The following CKAP5 variants were observed in gnomAD, a reference collection of about 807,000 sequenced individuals.
CKAP5 encodes the protein cytoskeleton associated protein 5, also known as cytoskeleton-associated protein 5.
Under a neutral mutation model 232.8 loss-of-function variants are expected in CKAP5, and 27 were observed. The observed-to-expected ratio is 0.12, with a 90% CI of 0.09 to 0.16. The LOEUF is 0.16. Among genes scored for constraint, CKAP5 ranks in the 10% least tolerant of loss-of-function variants. The pLI, the probability that CKAP5 is intolerant of heterozygous loss-of-function variation, is 1.00. For synonymous variants in CKAP5, 785 were observed against 841.1 expected (o/e 0.93, Z 1.16); for missense variants, 1,838 against 2,424.7 (o/e 0.76, Z 5.08).
chr11:46,769,670 T>C (rs1402516714), intron 26 of CKAP5, among the ~76,000 whole-genome samples: 3 of 151,672 alleles, frequency 2.0e-5, no homozygotes, highest in Non-Finnish European at 4.4e-5. Context: ...CACTCCCTCC[T>C]GGGTGACAGA....
At chr11:46,809,711 T>C (rs1939233554) in intron 6 of CKAP5, 31 bp downstream of exon 6, 22 of 1,613,040 alleles carry the variant, frequency 1.4e-5, no homozygotes, top group Non-Finnish European at 1.8e-5. Flanking sequence ...TTGCTAATTT[T>C]TGCAGAAACC....
At chr11:46,752,086 CTGTT>C (rs2065068682) in intron 38 of CKAP5, among the ~76,000 whole-genome samples, 1 of 148,854 alleles carries the variant, frequency 6.7e-6, no homozygotes, top group Admixed American at 6.8e-5. Flanking sequence ...CTCCCTTTCA[CTGTT>C]TGAGGCCACG....
chr11:46,783,606 T>C (rs1440778591), intron 17 of CKAP5, among the ~76,000 whole-genome samples: 1 of 152,074 alleles, frequency 6.6e-6, no homozygotes, highest in African/African-American at 2.4e-5. Flanking sequence ...TGTTTTTTTT[T>C]TTTTTTTAGA....
intron 9 of CKAP5, among the ~76,000 whole-genome samples, chr11:46,800,890 T>C (rs542455086): frequency 6.6e-6 from 1 of 152,340 alleles, no homozygotes; most frequent in African/African-American, 2.4e-5. Flanking sequence ...TGTTATGATG[T>C]GTATAATGTT....
intron 36 of CKAP5, among the ~76,000 whole-genome samples, chr11:46,753,887 C>T (rs961060488): frequency 6.0e-5 from 9 of 150,658 alleles, no homozygotes; most frequent in South Asian, 4.2e-4. Flanking sequence ...CCACCGCGCC[C>T]GGCTATGTTA....
intron 1 of CKAP5, among the ~76,000 whole-genome samples, chr11:46,827,483 G>C (rs1350970121): frequency 6.6e-6 from 1 of 152,054 alleles, no homozygotes; most frequent in Non-Finnish European, 1.5e-5. Flanking sequence ...TAAAAAATTA[G>C]CTGGGCATGG....
chr11:46,763,282 T>C, intron 29 of CKAP5, 103 bp from the exon 30 acceptor site: 1 of 1,113,928 alleles, frequency 9.0e-7, no homozygotes, highest in East Asian at 2.4e-5. Flanking sequence ...AAAAAGAAAA[T>C]GACAGATTTT....
intron 1 of CKAP5, among the ~76,000 whole-genome samples, chr11:46,836,001 T>C (rs1337825301): frequency 1.3e-5 from 2 of 152,036 alleles, no homozygotes; most frequent in African/African-American, 2.4e-5. Flanking sequence ...ATGAGAAAAA[T>C]ATCAGACAAA....
chr11:46,819,770 A>C (rs1939485752), intron 2 of CKAP5, among the ~76,000 whole-genome samples: 1 of 152,184 alleles, frequency 6.6e-6, no homozygotes, highest in Non-Finnish European at 1.5e-5. Flanking sequence ...ACCCACTATA[A>C]GATGCATTCA....
intron 1 of CKAP5, among the ~76,000 whole-genome samples, chr11:46,831,880 T>TC (rs398015965): frequency 3.3e-4 from 49 of 150,538 alleles, no homozygotes; most frequent in South Asian, 6.3e-4. Context: ...TTTTTTTTTT[T>TC]CTGAGACAGG....
In CKAP5 at chr11:46,762,106, G is replaced by C; in HGVS notation, c.4115C>G (p.Ala1372Gly). The change falls in exon 32 of 44, where the codon GCT becomes GGT. Residue 1372 changes from alanine to glycine, a missense_variant. Ala to Gly is a moderately conservative substitution (Grantham distance 60, BLOSUM62 0). Coordinates refer to ENST00000529230, the MANE Select transcript of CKAP5 (RefSeq NM_001008938.4). ...ATTGTCACGGTCTCCTATGTGAACA[G>C]CTATTTCCTTTAAGGCTTTTCCTGG... Reference protein sequence around the residue: ...PTPGKALKEIAVHIGDRDNAV... With the variant: ...PTPGKALKEIGVHIGDRDNAV... 6.2e-7 allele frequency: 1 copy of C among 1,614,162 alleles called. No homozygotes were observed. The highest frequency in any genetic ancestry group is 8.5e-7 in the Non-Finnish European group (1 of 1,179,994).
At chr11:46,804,801 A>G (rs1006554170) in intron 8 of CKAP5, among the ~76,000 whole-genome samples, 6 of 151,906 alleles carry the variant, frequency 3.9e-5, no homozygotes, top group African/African-American at 1.4e-4. Flanking sequence ...TCTAAAGATT[A>G]TATAAGAAAG....
At chr11:46,783,668 T>A (rs1156406115) in intron 17 of CKAP5, among the ~76,000 whole-genome samples, 1 of 151,950 alleles carries the variant, frequency 6.6e-6, no homozygotes, top group African/African-American at 2.4e-5. Flanking sequence ...TCATCAATCA[T>A]TGCAGCCTCA....
intron 1 of CKAP5, among the ~76,000 whole-genome samples, chr11:46,844,746 A>T (rs1940139704): frequency 6.6e-6 from 1 of 151,948 alleles, no homozygotes; most frequent in South Asian, 2.1e-4. Flanking sequence ...GGTTCAAATG[A>T]TTCTCTTGCC....
chr11:46,794,476 C>T (rs1938819569), intron 13 of CKAP5, among the ~76,000 whole-genome samples: 1 of 147,616 alleles, frequency 6.8e-6, no homozygotes, highest in Non-Finnish European at 1.5e-5. Flanking sequence ...CAAAAATGGG[C>T]AAAGAACTTG....
chr11:46,774,621 G>A (rs980905446), intron 24 of CKAP5, among the ~76,000 whole-genome samples: 7 of 152,096 alleles, frequency 4.6e-5, no homozygotes, highest in Non-Finnish European at 7.4e-5. Context: ...AAACAGCATG[G>A]TACTGGTACC....
intron 13 of CKAP5, among the ~76,000 whole-genome samples, chr11:46,793,720 C>T (rs966027098): frequency 2.6e-5 from 4 of 152,102 alleles, no homozygotes; most frequent in Admixed American, 6.5e-5. Flanking sequence ...GTCAGGAGTT[C>T]GAGACCAGCT....
chr11:46,759,893 C>T lies in CKAP5; in HGVS notation c.4395-451G>A, dbSNP rs1235873802. Among the ~76,000 whole-genome samples, 3 of 152,184 alleles carry T rather than the reference C, an allele frequency of 2.0e-5. 1 individual carries two copies. The highest frequency in any genetic ancestry group is 1.9e-4 in the East Asian group (1 of 5,192). On this transcript the variant is annotated intron_variant, in intron 33 of 43. Coordinates refer to ENST00000529230, the MANE Select transcript of CKAP5 (RefSeq NM_001008938.4). Reference sequence around the variant, plus strand: ...GTACCATTCCATGCCGTGTTCAGCACATTTTATATTTTGTGAGACCACCAG... The same window carrying T: ...GTACCATTCCATGCCGTGTTCAGCATATTTTATATTTTGTGAGACCACCAG...
At chr11:46,832,049 T>TG (rs916309730) in intron 1 of CKAP5, among the ~76,000 whole-genome samples, 1 of 150,158 alleles carries the variant, frequency 6.7e-6, no homozygotes, top group Non-Finnish European at 1.5e-5. Context: ...TTTGTAGAGA[T>TG]GGGGTCTCAC....
Sources: gnomAD v4.1 joint callset for allele counts (sites outside exome capture counted in the v4.1 genomes callset) on GRCh38, gnomAD v4.1.1 for gene constraint, MANE v1.5 for transcripts, NCBI Gene and HGNC (gene_info 2026-07-23, HGNC 2026-07-21) for gene names.